The following PCLO variants were observed in gnomAD, a reference collection of about 807,000 sequenced individuals.
The protein encoded by PCLO is piccolo presynaptic cytomatrix protein, also known as protein piccolo.
Under a neutral mutation model 427.5 loss-of-function variants are expected in PCLO, and 82 were observed. The observed-to-expected ratio is 0.19, with a 90% CI of 0.16 to 0.23. PCLO has a LOEUF of 0.23. Ranked by LOEUF, PCLO falls within the 10% of genes least tolerant of loss-of-function variation. The pLI is 1.00. For missense variants in PCLO, 6,239 were observed against 6,115.9 expected (o/e 1.02, Z -0.67); for synonymous variants, 2,357 against 2,155.4 (o/e 1.09, Z -2.59).
chr7:83,123,598 A>G (rs926266464), intron 3 of PCLO, among the ~76,000 whole-genome samples: 1 of 152,208 alleles, frequency 6.6e-6, no homozygotes, highest in East Asian at 1.9e-4. Context: ...TCAAAAGCAC[A>G]GGCAACAAAA....
intron 6 of PCLO, among the ~76,000 whole-genome samples, chr7:82,924,732 A>C (rs1156898081): frequency 6.6e-6 from 1 of 152,080 alleles, no homozygotes; most frequent in Non-Finnish European, 1.5e-5. Flanking sequence ...TACCAGAATC[A>C]CTAAAGGAGA....
At chr7:82,902,990 T>A (rs1794087226) in intron 8 of PCLO, among the ~76,000 whole-genome samples, 1 of 152,042 alleles carries the variant, frequency 6.6e-6, no homozygotes, top group African/African-American at 2.4e-5. Flanking sequence ...ATTTGAAAAA[T>A]TAATAAGTGC....
intron 22 of PCLO, among the ~76,000 whole-genome samples, chr7:82,783,046 T>G (rs2129468175): frequency 6.6e-6 from 1 of 152,280 alleles, no homozygotes; most frequent in South Asian, 2.1e-4. Context: ...GTCAAGAGTG[T>G]AAAACTAGGC....
At chr7:82,771,059 G>A (rs1228957098) in intron 22 of PCLO, among the ~76,000 whole-genome samples, 2 of 151,778 alleles carry the variant, frequency 1.3e-5, no homozygotes, top group Non-Finnish European at 2.9e-5. Context: ...GTTTGAAAGA[G>A]GGAAGCAGAA....
intron 12 of PCLO, among the ~76,000 whole-genome samples, chr7:82,845,934 T>C (rs1792489860): frequency 6.6e-6 from 1 of 152,140 alleles, no homozygotes; most frequent in South Asian, 2.1e-4. Flanking sequence ...TAGCACTTGG[T>C]CTATTCTGCT....
intron 2 of PCLO, among the ~76,000 whole-genome samples, chr7:83,144,626 C>T (rs756238034): frequency 1.4e-4 from 22 of 151,856 alleles, no homozygotes; most frequent in Non-Finnish European, 1.5e-4. Context: ...ATGATTAATC[C>T]GATTAATCTG....
At chr7:82,787,924 A>G (rs1310575665) in intron 22 of PCLO, among the ~76,000 whole-genome samples, 1 of 152,076 alleles carries the variant, frequency 6.6e-6, no homozygotes, top group African/African-American at 2.4e-5. Flanking sequence ...TTGAAGAAAA[A>G]GCTGTCTTGA....
intron 13 of PCLO, among the ~76,000 whole-genome samples, chr7:82,843,335 T>A (rs1027392147): frequency 6.6e-6 from 1 of 152,142 alleles, no homozygotes; most frequent in African/African-American, 2.4e-5. Context: ...CTCACTCATA[T>A]GTGGAATCTA....
intron 1 of PCLO, among the ~76,000 whole-genome samples, chr7:83,157,019 C>T (rs1258294874): frequency 6.6e-6 from 1 of 152,032 alleles, no homozygotes; most frequent in Non-Finnish European, 1.5e-5. Flanking sequence ...CCCAGGAATG[C>T]TAAAAAGTTT....
In PCLO at chr7:83,150,609, GTCCTTCCTTCCT is replaced by G. The variant is rs150134046; in HGVS notation, c.1893+4127_1893+4138del. ...GTGGCTGAGTGTAGCTAATTATCTA[GTCCTTCCTTCCT>G]TCCTTCCTTCCTTCCCAGATCTGGT... On this transcript the variant is annotated intron_variant, in intron 2 of 24. Coordinates refer to ENST00000333891, the MANE Select transcript of PCLO (RefSeq NM_033026.6). 1.5e-3 allele frequency among the ~76,000 whole-genome samples: 235 copies of G among 151,674 alleles called. 1 individual carries two copies. Among genetic ancestry groups the G allele is most frequent in the African/African-American group, 5.6e-3 (231 of 41,350 alleles).
intron 22 of PCLO, among the ~76,000 whole-genome samples, chr7:82,779,746 CTTT>C (rs397976054): frequency 1.5e-5 from 2 of 134,392 alleles, no homozygotes; most frequent in African/African-American, 2.7e-5. Context: ...TTCTTTCTTT[CTTT>C]TTTTTTTTTT....
rs556660525 is a variant in PCLO, at chr7:82,946,297, T to C, written c.11112+3179A>G. ...CTTTAATAAATTTATTCAATCAATG[T>C]TGAGCACCTACTTCATGCCAGGCAC... On this transcript the variant is annotated intron_variant, in intron 6 of 24. Coordinates refer to ENST00000333891, the MANE Select transcript of PCLO (RefSeq NM_033026.6). 9.2e-5 allele frequency among the ~76,000 whole-genome samples: 14 copies of C among 152,316 alleles called. No individual in the cohort carries two copies. In the South Asian group the frequency reaches 2.9e-3, roughly 32 times the overall value.
chr7:83,081,493 T>A (rs1790099245), intron 3 of PCLO, among the ~76,000 whole-genome samples: 1 of 151,880 alleles, frequency 6.6e-6, no homozygotes, highest in South Asian at 2.1e-4. Context: ...ATTTAAATAC[T>A]TGAAAATGAG....
chr7:82,824,337 A>C lies in PCLO; in HGVS notation c.14495T>G (p.Ile4832Ser), dbSNP rs756213172. ...WYPLKEQTES[I>S]DHGKSHSSQS... Reference sequence around the variant, plus strand: ...ACTGGAATGAGACTTGCCATGATCAATGCTTTCAGTCTGTTCTTTGAGAGG... The same window carrying C: ...ACTGGAATGAGACTTGCCATGATCACTGCTTTCAGTCTGTTCTTTGAGAGG... Residue 4832 changes from isoleucine to serine, a missense_variant, in exon 19 of 25, where the codon ATT becomes AGT. Around this residue, in one of 5 missense-constraint regions of PCLO, gnomAD observed 877 missense variants for 925.5 expected, o/e 0.95. Coordinates refer to ENST00000333891, the MANE Select transcript of PCLO (RefSeq NM_033026.6). 1 of 1,613,320 alleles carries C rather than the reference A, an allele frequency of 6.2e-7. No individual in the cohort carries two copies. The highest frequency in any genetic ancestry group is 1.7e-5 in the Admixed American group (1 of 59,984).
intron 3 of PCLO, among the ~76,000 whole-genome samples, chr7:83,065,994 A>G (rs1789662003): frequency 2.0e-5 from 3 of 152,080 alleles, no homozygotes; most frequent in Admixed American, 6.6e-5. Context: ...TGCCTGCTGT[A>G]TTCATCCATG....
chr7:82,830,375 T>C (rs998748967), intron 16 of PCLO, among the ~76,000 whole-genome samples: 1 of 152,066 alleles, frequency 6.6e-6, no homozygotes, highest in Middle Eastern at 3.4e-3. Context: ...AATTTGATGG[T>C]GATAGAATTA....
intron 1 of PCLO, among the ~76,000 whole-genome samples, chr7:83,158,959 T>C (rs1429563289): frequency 3.3e-5 from 5 of 152,052 alleles, no homozygotes; most frequent in Admixed American, 2.0e-4. Flanking sequence ...TTGTTAGGCA[T>C]AACAGTTTTA....
intron 22 of PCLO, among the ~76,000 whole-genome samples, chr7:82,788,816 G>A (rs966812399): frequency 1.3e-5 from 2 of 150,936 alleles, no homozygotes; most frequent in Admixed American, 1.3e-4. Context: ...TCCATAACAC[G>A]TCTCCATGTT....
intron 3 of PCLO, among the ~76,000 whole-genome samples, chr7:82,969,941 A>T (rs1795864173): frequency 6.6e-6 from 1 of 152,120 alleles, no homozygotes; most frequent in African/African-American, 2.4e-5. Flanking sequence ...TTTCCCAAAA[A>T]TATGTCTTGT....
Sources: allele counts gnomAD v4.1 joint callset (sites outside exome capture counted in the v4.1 genomes callset), GRCh38; gene constraint gnomAD v4.1.1; regional missense constraint gnomAD v4.1.1; transcripts MANE v1.5; gene names NCBI Gene and HGNC (gene_info 2026-07-23, HGNC 2026-07-21).